The following WWC1 variants were observed in gnomAD, a reference collection of about 807,000 sequenced individuals.
The protein encoded by WWC1 is WW and C2 domain containing 1.
A neutral mutation model predicts 138.4 loss-of-function variants in WWC1; 55 were observed. That is an observed-to-expected ratio of 0.40 (90% confidence interval 0.32 to 0.50). The LOEUF (loss-of-function observed/expected upper bound fraction) is 0.50. Ranked by LOEUF, WWC1 falls within the 20% of genes least tolerant of loss-of-function variation. WWC1 has a pLI of 0.72. For missense variants in WWC1, 1,226 were observed against 1,420.4 expected (o/e 0.86, Z 2.20); for synonymous variants, 524 against 564.9 (o/e 0.93, Z 1.03).
intron 1 of WWC1, among the ~76,000 whole-genome samples, chr5:168,301,638 C>CAAAAAAA: frequency 1.0e-5 from 1 of 99,866 alleles, no homozygotes; most frequent in Non-Finnish European, 2.2e-5. Context: ...AACTTCGTCT[C>CAAAAAAA]AAAAAAAAAA....
At chr5:168,381,175 A>G (rs1269150144) in intron 2 of WWC1, among the ~76,000 whole-genome samples, 1 of 152,162 alleles carries the variant, frequency 6.6e-6, no homozygotes. Context: ...ATTGGTTTAC[A>G]AAAGAGACCA....
At position 168,469,084 on chromosome 5, in the gene WWC1, T is replaced by A; in HGVS notation, c.*67T>A. On this transcript the variant is annotated 3_prime_UTR_variant, in exon 23 of 23. Transcript: ENST00000265293. ...GAACATTGACTGTGGCTAAAGTTAT[T>A]TATGTGGTGTTATATGAAGGTACTG... 6.3e-7 allele frequency: 1 copy of A among 1,589,280 alleles called. No homozygotes were observed. The highest frequency in any genetic ancestry group is 8.6e-7 in the Non-Finnish European group (1 of 1,158,276).
intron 1 of WWC1, among the ~76,000 whole-genome samples, chr5:168,317,174 T>C (rs1176051722): frequency 6.6e-6 from 1 of 151,908 alleles, no homozygotes; most frequent in Non-Finnish European, 1.5e-5. Flanking sequence ...GGCAAGAGGG[T>C]TGGGGTTTCA....
At chr5:168,318,188 A>C (rs141911854) in intron 1 of WWC1, among the ~76,000 whole-genome samples, 1 of 152,122 alleles carries the variant, frequency 6.6e-6, no homozygotes, top group Admixed American at 6.5e-5. Flanking sequence ...TTGGTTCCAG[A>C]AGTTCAGAAA....
At position 168,460,692 on chromosome 5, in the gene WWC1, C is replaced by T. The variant is rs1756726659; in HGVS notation, c.2866C>T (p.Pro956Ser). 1 of 1,614,104 alleles carries T rather than the reference C, an allele frequency of 6.2e-7. No individual in the cohort carries two copies. Among genetic ancestry groups the T allele is most frequent in the Non-Finnish European group, 8.5e-7 (1 of 1,180,014 alleles). ...TGACAGCTCCACTCTGTCCAAAAAG[C>T]CACCTTTTGTTCGAAACTCCCTGGA... Reference protein sequence around the residue: ...DSDSSTLSKKPPFVRNSLERR... With the variant: ...DSDSSTLSKKSPFVRNSLERR... The change falls in exon 20 of 23, where the codon CCA becomes TCA. Residue 956 changes from proline to serine, a missense_variant. Coordinates refer to ENST00000265293, the MANE Select transcript of WWC1 (RefSeq NM_015238.3).
intron 10 of WWC1, among the ~76,000 whole-genome samples, 189 bp downstream of exon 10, chr5:168,422,286 C>A (rs72830926): frequency 0.055 from 8,373 of 152,228 alleles, 311 homozygotes; most frequent in South Asian, 0.099. Context: ...GGGTCTTGAC[C>A]TCTCCAGACT....
chr5:168,435,851 C>CT (rs199763299), intron 15 of WWC1, among the ~76,000 whole-genome samples: 3,875 of 150,988 alleles, frequency 0.026, 159 homozygotes, highest in African/African-American at 0.082. Flanking sequence ...TTTCTTTTTT[C>CT]TTTTTTTTTA....
chr5:168,385,220 A>G lies in WWC1; in HGVS notation c.239A>G (p.Gln80Arg). The G allele has an allele frequency of 6.2e-7, 1 of 1,614,140 alleles. No homozygotes were observed. The highest frequency in any genetic ancestry group is 1.1e-5 in the South Asian group (1 of 91,064). ...CTGGGGTCTGTTCCAGAAACCACTC[A>G]GATTGAGGATCCTCGAGTACAATGG... ...YFIDHNTKTT[Q>R]IEDPRVQWRR... Residue 80 changes from glutamine to arginine, a missense_variant, in exon 3 of 23, where the codon CAG (glutamine) becomes CGG (arginine). Transcript: ENST00000265293.
intron 2 of WWC1, among the ~76,000 whole-genome samples, chr5:168,381,973 C>G (rs6884189): frequency 0.16 from 24,572 of 151,818 alleles, 2,349 homozygotes; most frequent in South Asian, 0.38. Context: ...TGTGTGTACC[C>G]TCTGATCTAG....
At chr5:168,336,329 G>A (rs1262095282) in intron 1 of WWC1, among the ~76,000 whole-genome samples, 1 of 152,126 alleles carries the variant, frequency 6.6e-6, no homozygotes, top group Non-Finnish European at 1.5e-5. Flanking sequence ...CCAGCACCTT[G>A]GGAGGCCGAG....
chr5:168,423,587 G>T lies in WWC1; in HGVS notation c.1329G>T (p.Thr443=). 1.9e-6 allele frequency: 3 copies of T among 1,614,042 alleles called. No individual in the cohort carries two copies. Among genetic ancestry groups the T allele is most frequent in the Non-Finnish European group, 2.5e-6 (3 of 1,180,004 alleles). Residue 443 remains threonine (T), a synonymous_variant, in exon 11 of 23, where the codon ACG becomes ACT. Coordinates refer to ENST00000265293, the MANE Select transcript of WWC1 (RefSeq NM_015238.3). ...LSSGSSPGSL[T]SSRGSLVASS... Reference sequence around the variant, plus strand: ...CAGGCAGCAGCCCCGGATCCCTCACGTCCAGCCGGGGCTCCCTGGTTGCAT... The same window carrying T: ...CAGGCAGCAGCCCCGGATCCCTCACTTCCAGCCGGGGCTCCCTGGTTGCAT...
Position 168,423,863 on chromosome 5 carries a change from C to G in WWC1, c.1605C>G (p.Ser535=), listed in dbSNP as rs770027321. The G allele has an allele frequency of 8.1e-6, 13 of 1,613,982 alleles. No homozygotes were observed. The Admixed American group carries it at 2.2e-4, about 27-fold the overall frequency. The change falls in exon 11 of 23, where the codon TCC becomes TCG. Residue 535 remains serine, a synonymous_variant. Transcript: ENST00000265293. ...CCCCAAAGTCCATGACCTCCCTATCCCCACGTTCCTCTCTCTCCTCCCCCT... is the reference window on the plus strand; with the variant it reads ...CCCCAAAGTCCATGACCTCCCTATCGCCACGTTCCTCTCTCTCCTCCCCCT... ...SGTPKSMTSL[S]PRSSLSSPSP...
chr5:168,396,098 T>C (rs1778878569), intron 3 of WWC1, among the ~76,000 whole-genome samples: 2 of 152,008 alleles, frequency 1.3e-5, no homozygotes, highest in African/African-American at 4.8e-5. Flanking sequence ...AGTGTTCAGA[T>C]GATAGCCAGG....
At chr5:168,440,268 A>ATATT (rs551375657) in intron 15 of WWC1, among the ~76,000 whole-genome samples, 41 of 152,234 alleles carry the variant, frequency 2.7e-4, no homozygotes, top group Non-Finnish European at 5.0e-4. Context: ...CACCTCACAC[A>ATATT]TATTTGGATG....
intron 16 of WWC1, among the ~76,000 whole-genome samples, chr5:168,443,481 C>G (rs1270442099): frequency 2.0e-5 from 3 of 152,162 alleles, no homozygotes; most frequent in African/African-American, 7.2e-5. Flanking sequence ...ACCCAGGTCT[C>G]TCACTCCAAA....
At chr5:168,332,486 ATG>A (rs1202854523) in intron 1 of WWC1, among the ~76,000 whole-genome samples, 4 of 152,166 alleles carry the variant, frequency 2.6e-5, no homozygotes, top group Non-Finnish European at 4.4e-5. Flanking sequence ...GAAGTAGAAT[ATG>A]TGTATGTATT....
At chr5:168,298,032 G>GTTTTA (rs986133490) in intron 1 of WWC1, among the ~76,000 whole-genome samples, 24 of 152,084 alleles carry the variant, frequency 1.6e-4, no homozygotes, top group South Asian at 2.1e-4. Context: ...AACAAGCTTT[G>GTTTTA]TTTTATTTTA....
At position 168,301,638 on chromosome 5, in the gene WWC1, C is replaced by CAA. The variant is rs778792626; in HGVS notation, c.119+9383_119+9384dup. ...GGGCAACAAGAGCAAAACTTCGTCT[C>CAA]AAAAAAAAAAAAAAAAAGTAAGTGA... On this transcript the variant is annotated intron_variant, in intron 1 of 22. Transcript: ENST00000265293. Among the ~76,000 whole-genome samples, 247 of 99,858 alleles carry CAA rather than the reference C, an allele frequency of 2.5e-3. 7 individuals are homozygous for CAA. The East Asian group carries it at 0.025, about 10-fold the overall frequency. 65.5% of individuals were successfully genotyped at this position (99,858 alleles called of 152,430 possible).
chr5:168,301,103 C>T (rs1366927331), intron 1 of WWC1, among the ~76,000 whole-genome samples: 2 of 152,194 alleles, frequency 1.3e-5, no homozygotes, highest in African/African-American at 2.4e-5. Flanking sequence ...TTGTCTGTCA[C>T]GTGCCAAACA....
Sources: allele counts gnomAD v4.1 joint callset (sites outside exome capture counted in the v4.1 genomes callset), GRCh38; gene constraint gnomAD v4.1.1; transcripts MANE v1.5; gene names NCBI Gene and HGNC (gene_info 2026-07-23, HGNC 2026-07-21).